The following TMEM25 variants were observed in gnomAD, a reference collection of about 807,000 sequenced individuals.
TMEM25 encodes 0610039J01Rik.
A neutral mutation model predicts 37.0 loss-of-function variants in TMEM25; 36 were observed. The observed-to-expected ratio is 0.97, with a 90% CI of 0.75 to 1.28. The LOEUF (loss-of-function observed/expected upper bound fraction) is 1.28, where lower values mean the gene tolerates loss of function less well. Among genes scored for constraint, TMEM25 ranks in the 50% most tolerant of loss-of-function variants. The pLI is 0.00. For synonymous variants in TMEM25, 197 were observed against 203.7 expected (o/e 0.97, Z 0.28); for missense variants, 444 against 477.9 (o/e 0.93, Z 0.66).
downstream of TMEM25, among the ~76,000 whole-genome samples, chr11:118,537,138 C>G (rs782239111): frequency 6.6e-6 from 1 of 152,080 alleles, no homozygotes; most frequent in Non-Finnish European, 1.5e-5. Flanking sequence ...CTCAGAAGTT[C>G]GAGACCAGCC....
chr11:118,537,535 C>G (rs1005160824), downstream of TMEM25, among the ~76,000 whole-genome samples: 1 of 152,212 alleles, frequency 6.6e-6, no homozygotes, highest in Non-Finnish European at 1.5e-5. Context: ...TACCCTTTAA[C>G]TCACTTCTTT....
chr11:118,533,677 G>A lies in TMEM25; in HGVS notation c.805+126G>A, dbSNP rs1004066696. 42 of 1,583,164 alleles carry A rather than the reference G, an allele frequency of 2.7e-5. No individual in the cohort carries two copies. The African/African-American group carries it at 5.4e-4, about 20-fold the overall frequency. ...AGAGCACTTCCAGGGGGTGGCCATG[G>A]GTACGGTGACATGCATCCCAGGTAG... On this transcript the variant is annotated intron_variant, in intron 5 of 8. Coordinates refer to ENST00000313236, the MANE Select transcript of TMEM25 (RefSeq NM_032780.4).
chr11:118,533,442 A>T lies in TMEM25; in HGVS notation c.696A>T (p.Glu232Asp). Residue 232 changes from glutamate (E) to aspartate (D), a missense_variant, in exon 5 of 9, where the codon GAA (glutamate) becomes GAT (aspartate). Glu to Asp is a conservative substitution (Grantham distance 45). Coordinates refer to ENST00000313236, the MANE Select transcript of TMEM25 (RefSeq NM_032780.4). Reference sequence around the variant, plus strand: ...CAGGGCTTCTGGCTACCCGGGTGGAAGTGCCACTGCTGGGCATTGTTGTGG... The same window carrying T: ...CAGGGCTTCTGGCTACCCGGGTGGATGTGCCACTGCTGGGCATTGTTGTGG... ...PAPGLLATRVEVPLLGIVVAA... is the reference protein window; with the variant it reads ...PAPGLLATRVDVPLLGIVVAA... The T allele has an allele frequency of 6.2e-7, 1 of 1,614,008 alleles. No individual in the cohort carries two copies. The highest frequency in any genetic ancestry group is 8.5e-7 in the Non-Finnish European group (1 of 1,179,996).
At chr11:118,538,316 C>T (rs1297926701), downstream of TMEM25, among the ~76,000 whole-genome samples, 1 of 145,168 alleles carries the variant, frequency 6.9e-6, no homozygotes, top group Non-Finnish European at 1.5e-5. Context: ...GCACTACAGG[C>T]GTGCACCACG....
Position 118,535,211 on chromosome 11 carries a change from G to A in TMEM25, c.*631G>A. On this transcript the variant is annotated 3_prime_UTR_variant, in exon 9 of 9. Transcript: ENST00000313236. ...TCCCCACCTCCTCTTGGGAATTCTAGGTTACACGTTGGACCTTCTCTACTA... is the reference window on the plus strand; with the variant it reads ...TCCCCACCTCCTCTTGGGAATTCTAAGTTACACGTTGGACCTTCTCTACTA... The A allele has an allele frequency of 9.1e-7, 1 of 1,101,190 alleles. No homozygotes were observed. The highest frequency in any genetic ancestry group is 4.8e-5 in the Admixed American group (1 of 20,728). The allele number at this position is 1,101,190 out of a possible 1,614,324, so 68.2% of individuals were successfully genotyped here.
chr11:118,534,731 C>T lies in TMEM25; in HGVS notation c.*151C>T, dbSNP rs1591344466. ...TGGCTGGGGTGCCCTCCATGTCATG[C>T]ACGTGATGCATTTCACTGGGCTGTA... On this transcript the variant is annotated 3_prime_UTR_variant, in exon 9 of 9. Transcript: ENST00000313236. This position sits in a 1 kb window ranked among gnomAD's most constrained non-coding sequence, Gnocchi z 4.6. 2 of 1,455,256 alleles carry T rather than the reference C, an allele frequency of 1.4e-6. No individual in the cohort carries two copies. Among genetic ancestry groups the T allele is most frequent in the East Asian group, 2.5e-5 (1 of 39,902 alleles). 90.1% of individuals were successfully genotyped at this position (1,455,256 alleles called of 1,614,324 possible). A position where few individuals can be genotyped will look rare whatever the true frequency, so the allele number is the denominator to read the frequency against.
downstream of TMEM25, among the ~76,000 whole-genome samples, chr11:118,539,973 A>G (rs1481120161): frequency 1.4e-5 from 2 of 146,578 alleles, no homozygotes; most frequent in Non-Finnish European, 3.0e-5. Context: ...GTGAGCCGAT[A>G]TCATGCCACT....
At chr11:118,533,980 G>T in intron 6 of TMEM25, 49 bp from the exon 7 acceptor site, 3 of 1,613,358 alleles carry the variant, frequency 1.9e-6, no homozygotes, top group Non-Finnish European at 2.5e-6. Flanking sequence ...GCAGCCATGA[G>T]TGCCTGTGCC....
chr11:118,543,346 TTTG>T (rs1244897445), intron 8 of TMEM25, among the ~76,000 whole-genome samples: 3 of 152,224 alleles, frequency 2.0e-5, no homozygotes, highest in Admixed American at 1.3e-4. Flanking sequence ...TCGATTTTGT[TTTG>T]TTTTGTTTTT....
At chr11:118,535,882 A>G (rs1299696132), downstream of TMEM25, 6 of 1,064,896 alleles carry the variant, frequency 5.6e-6, no homozygotes, top group Non-Finnish European at 6.8e-6. Context: ...TTTTTGTTTT[A>G]TTTTGTTTCG....
intron 8 of TMEM25, among the ~76,000 whole-genome samples, chr11:118,541,462 A>AG: frequency 8.1e-6 from 1 of 122,890 alleles, no homozygotes; most frequent in South Asian, 2.7e-4. Context: ...ACCCTGTCTC[A>AG]AAAAAAAAAA....
At chr11:118,531,411 A>C (rs1029221762) in intron 1 of TMEM25, 177 bp downstream of exon 1, 6 of 380,172 alleles carry the variant, frequency 1.6e-5, no homozygotes, top group East Asian at 6.1e-5. Flanking sequence ...AGGAGAGAGA[A>C]TAGGATTAGG....
At chr11:118,537,362 CA>C (rs1333850827), downstream of TMEM25, among the ~76,000 whole-genome samples, 2 of 151,870 alleles carry the variant, frequency 1.3e-5, no homozygotes, top group Non-Finnish European at 2.9e-5. Flanking sequence ...TTCGTAGAGA[CA>C]GGGTCTCACT....
downstream of TMEM25, among the ~76,000 whole-genome samples, chr11:118,538,906 G>A (rs1327313867): frequency 1.3e-5 from 2 of 148,896 alleles, no homozygotes; most frequent in African/African-American, 5.0e-5. Context: ...AAAAAAAAAA[G>A]GAAATGTCTA....
intron 1 of TMEM25, 86 bp downstream of exon 1, chr11:118,531,320 G>A: frequency 6.0e-6 from 2 of 333,886 alleles, no homozygotes; most frequent in Non-Finnish European, 1.1e-5. Context: ...GACATCCACC[G>A]GAGCCACCAA....
Position 118,534,149 on chromosome 11 carries a change from C to G in TMEM25, c.937+20C>G, listed in dbSNP as rs1555061730. On this transcript the variant is annotated intron_variant, in intron 7 of 8. Transcript: ENST00000313236. The surrounding 1 kb of genome is among the most constrained non-coding windows in gnomAD (Gnocchi z 4.6). ...CCAGAGGTATATCTAGGGCCCTGCT[C>G]TTTGCCCCTGCTTAATCTCCAGAAG... 2 of 1,613,744 alleles carry G rather than the reference C, an allele frequency of 1.2e-6. No individual in the cohort carries two copies. Among genetic ancestry groups the G allele is most frequent in the East Asian group, 2.2e-5 (1 of 44,870 alleles).
intron 6 of TMEM25, 62 bp from the exon 7 acceptor site, chr11:118,533,967 G>C (rs1246546039): frequency 2.5e-6 from 4 of 1,613,674 alleles, no homozygotes; most frequent in South Asian, 1.1e-5. Context: ...GTTTCTGGTA[G>C]AGGCAGCCAT....
At chr11:118,536,104 C>A (rs890275283), downstream of TMEM25, among the ~76,000 whole-genome samples, 1 of 152,108 alleles carries the variant, frequency 6.6e-6, no homozygotes, top group Admixed American at 6.6e-5. Context: ...TCTCGAACTC[C>A]TGACCTCAAG....
rs61900948 is a variant in TMEM25, at chr11:118,533,014, G to A, written c.480G>A (p.Pro160=). Residue 160 remains proline (P), a synonymous_variant, in exon 4 of 9, where the codon CCG becomes CCA. Coordinates refer to ENST00000313236, the MANE Select transcript of TMEM25 (RefSeq NM_032780.4). ...VLFALVRANP[P]ANVTWIDQDG... ...TTGCCCTGGTGCGTGCCAACCCGCC[G>A]GCCAATGTCACCTGGATCGACCAGG... is the stretch of plus-strand genomic sequence containing the variant. 50 of 1,614,232 alleles carry A rather than the reference G, an allele frequency of 3.1e-5. No homozygotes were observed. The highest frequency in any genetic ancestry group is 2.5e-4 in the African/African-American group (19 of 75,058).
Sources: gnomAD v4.1 joint callset for allele counts (sites outside exome capture counted in the v4.1 genomes callset) on GRCh38, gnomAD v4.1.1 for gene constraint, Gnocchi (gnomAD v3.1) non-coding constraint, MANE v1.5 for transcripts, NCBI Gene and HGNC (gene_info 2026-07-23, HGNC 2026-07-21) for gene names.